The following DSCAM variants were observed in gnomAD, a reference collection of about 807,000 sequenced individuals.
DSCAM encodes the protein cell adhesion molecule DSCAM.
A neutral mutation model predicts 217.7 loss-of-function variants in DSCAM; 47 were observed. That is an observed-to-expected ratio of 0.22 (90% CI 0.17 to 0.28). DSCAM has a LOEUF of 0.28. Among genes scored for constraint, DSCAM ranks in the 10% least tolerant of loss-of-function variants. The pLI is 1.00. For synonymous variants in DSCAM, 1,056 were observed against 1,015.3 expected (o/e 1.04, Z -0.76); for missense variants, 2,080 against 2,618.3 (o/e 0.79, Z 4.49).
chr21:40,487,862 GAA>G (rs1286386932), intron 3 of DSCAM, among the ~76,000 whole-genome samples: 1 of 152,186 alleles, frequency 6.6e-6, no homozygotes, highest in Non-Finnish European at 1.5e-5. Flanking sequence ...ACAGGAGAGA[GAA>G]GAGAGTTGTA....
At chr21:40,391,616 G>A (rs776491454) in intron 3 of DSCAM, among the ~76,000 whole-genome samples, 4 of 152,146 alleles carry the variant, frequency 2.6e-5, no homozygotes, top group African/African-American at 4.8e-5. Context: ...ACAGGTTAGC[G>A]TAAGCTTGAG....
In DSCAM at chr21:40,734,467, C is replaced by T. The variant is rs187736167; in HGVS notation, c.44-25696G>A. On this transcript the variant is annotated intron_variant, in intron 1 of 32. Transcript: ENST00000400454. ...ATTCAAGAGCCACCTTGAGAAAGGC[C>T]TCTTTAAGAGACAAAGGGGCCAGAG... Among the ~76,000 whole-genome samples, 154 of 152,296 alleles carry T rather than the reference C, an allele frequency of 1.0e-3. No individual in the cohort carries two copies. In the East Asian group the frequency reaches 0.024, roughly 23 times the overall value.
At chr21:40,470,517 C>T (rs931253095) in intron 3 of DSCAM, among the ~76,000 whole-genome samples, 12 of 152,186 alleles carry the variant, frequency 7.9e-5, no homozygotes. Flanking sequence ...TTGAGCCCAA[C>T]ACGAAGCTTA....
chr21:40,325,930 C>G (rs1387585850), intron 8 of DSCAM, among the ~76,000 whole-genome samples: 1 of 152,032 alleles, frequency 6.6e-6, no homozygotes, highest in Non-Finnish European at 1.5e-5. Flanking sequence ...TACACATGGA[C>G]ACATTTATAA....
intron 3 of DSCAM, among the ~76,000 whole-genome samples, chr21:40,602,289 G>T (rs2077068232): frequency 6.6e-6 from 1 of 152,050 alleles, no homozygotes; most frequent in Non-Finnish European, 1.5e-5. Flanking sequence ...TGGAAATCCT[G>T]AGCTCAAGCA....
At chr21:40,166,860 C>T in intron 16 of DSCAM, among the ~76,000 whole-genome samples, 1 of 152,136 alleles carries the variant, frequency 6.6e-6, no homozygotes, top group Non-Finnish European at 1.5e-5. Flanking sequence ...CCACCGCATG[C>T]TTTGCCATTT....
intron 1 of DSCAM, among the ~76,000 whole-genome samples, chr21:40,765,847 C>T (rs1046149947): frequency 4.6e-5 from 7 of 152,200 alleles, no homozygotes; most frequent in African/African-American, 1.2e-4. Flanking sequence ...TCTAGGGCTC[C>T]GATGCCCGCT....
intron 16 of DSCAM, among the ~76,000 whole-genome samples, chr21:40,149,583 A>C (rs1417054020): frequency 2.0e-5 from 3 of 146,490 alleles, no homozygotes; most frequent in South Asian, 2.2e-4. Flanking sequence ...CCCAACACCA[A>C]CACCACTGTC....
At chr21:40,697,958 C>A (rs780709943) in intron 2 of DSCAM, among the ~76,000 whole-genome samples, 1 of 152,236 alleles carries the variant, frequency 6.6e-6, no homozygotes, top group African/African-American at 2.4e-5. Context: ...TTCCAATCAA[C>A]GAGCATGAAA....
chr21:40,339,015 A>C, intron 7 of DSCAM, 104 bp downstream of exon 7: 1 of 1,397,612 alleles, frequency 7.2e-7, no homozygotes, highest in Non-Finnish European at 9.8e-7. Flanking sequence ...AGCAACAGTT[A>C]ATCCGCTCTG....
At chr21:40,802,314 G>A (rs2091748779) in intron 1 of DSCAM, among the ~76,000 whole-genome samples, 1 of 152,202 alleles carries the variant, frequency 6.6e-6, no homozygotes, top group African/African-American at 2.4e-5. Flanking sequence ...AAATCTGTGA[G>A]TCTTTCTAGG....
chr21:40,142,687 C>T lies in DSCAM; in HGVS notation c.3277G>A (p.Glu1093Lys), dbSNP rs759720915. ...GATGTTGCTATGGCTTGGACATTTT[C>T]GGGGGGGTAACTGGGCACTGAAATC... Reference protein sequence around the residue: ...TLEDVPSYPPENVQAIATSPE... With the variant: ...TLEDVPSYPPKNVQAIATSPE... Residue 1093 changes from glutamate (E) to lysine (K), a missense_variant, in exon 18 of 33, where the codon GAA becomes AAA. Transcript: ENST00000400454. 6.8e-6 allele frequency: 11 copies of T among 1,613,482 alleles called. No individual in the cohort carries two copies. Among genetic ancestry groups the T allele is most frequent in the Admixed American group, 1.7e-5 (1 of 59,932 alleles).
chr21:40,508,027 T>G (rs368325106), intron 3 of DSCAM, among the ~76,000 whole-genome samples: 1 of 152,168 alleles, frequency 6.6e-6, no homozygotes, highest in South Asian at 2.1e-4. Flanking sequence ...GTCACTTTTA[T>G]TTTCCTAAGT....
At chr21:40,275,988 T>C in intron 11 of DSCAM, 109 bp downstream of exon 11, 1 of 1,184,892 alleles carries the variant, frequency 8.4e-7, no homozygotes, top group Non-Finnish European at 1.1e-6. Flanking sequence ...CCAACGGGTC[T>C]TCTTTTGTGT....
At position 40,333,044 on chromosome 21, in the gene DSCAM, G is replaced by A. The variant is rs368167061; in HGVS notation, c.1783+5057C>T. Among the ~76,000 whole-genome samples the A allele has an allele frequency of 2.9e-3, 438 of 152,296 alleles. 3 individuals carry two copies. The highest frequency in any genetic ancestry group is 0.01 in the African/African-American group (418 of 41,574). On this transcript the variant is annotated intron_variant, in intron 8 of 32. Transcript: ENST00000400454. ...AAGTGGGCCACTTCCACTTCCCAAG[G>A]AAGCCAATTTTTAAGGCTTCAGGTT...
chr21:40,575,098 C>T (rs1197148481), intron 3 of DSCAM, among the ~76,000 whole-genome samples: 1 of 148,628 alleles, frequency 6.7e-6, no homozygotes, highest in African/African-American at 2.6e-5. Flanking sequence ...GACATTCCAC[C>T]ACAAAAGAAG....
chr21:40,663,154 G>A (rs2090158889), intron 3 of DSCAM, among the ~76,000 whole-genome samples: 1 of 148,830 alleles, frequency 6.7e-6, no homozygotes, highest in African/African-American at 2.5e-5. Context: ...TGCATGTTAA[G>A]TGTATGTATG....
At chr21:40,315,604 C>A (rs1440463781) in intron 8 of DSCAM, among the ~76,000 whole-genome samples, 1 of 152,000 alleles carries the variant, frequency 6.6e-6, no homozygotes, top group Non-Finnish European at 1.5e-5. Context: ...TCTATAATTC[C>A]AAAATATTTG....
intron 32 of DSCAM, among the ~76,000 whole-genome samples, chr21:40,013,755 A>C (rs2088105867): frequency 6.6e-6 from 1 of 152,214 alleles, no homozygotes; most frequent in South Asian, 2.1e-4. Context: ...CCCGCATGTG[A>C]TTGGAAGTAC....
Sources: gnomAD v4.1 joint callset for allele counts (sites outside exome capture counted in the v4.1 genomes callset) on GRCh38, gnomAD v4.1.1 for gene constraint, MANE v1.5 for transcripts, NCBI Gene and HGNC (gene_info 2026-07-23, HGNC 2026-07-21) for gene names.